The following DHRSX variants were observed in gnomAD, a reference collection of about 807,000 sequenced individuals.
The protein encoded by DHRSX is dehydrogenase/reductase X-linked, also known as polyprenol dehydrogenase.
Under a neutral mutation model 34.0 loss-of-function variants are expected in DHRSX, and 31 were observed. The ratio of observed to expected loss-of-function variants is 0.91; its 90% CI spans 0.69 to 1.23. The LOEUF (loss-of-function observed/expected upper bound fraction) is 1.23. Among genes scored for constraint, DHRSX ranks in the 50% most tolerant of loss-of-function variants. DHRSX has a pLI of 0.00. For synonymous variants in DHRSX, 201 were observed against 183.8 expected (o/e 1.09, Z -0.76); for missense variants, 414 against 428.1 (o/e 0.97, Z 0.29).
chrX:2,298,638 G>GCACACACACACGCACA (rs1569485218), intron 3 of DHRSX, among the ~76,000 whole-genome samples: 2 of 103,356 alleles, frequency 1.9e-5, no homozygotes, highest in Admixed American at 8.9e-5. Flanking sequence ...ACACACACAC[G>GCACACACACACGCACA]AGGTCTTATT....
At chrX:2,472,745 G>A (rs1301942981) in intron 1 of DHRSX, among the ~76,000 whole-genome samples, 4 of 152,056 alleles carry the variant, frequency 2.6e-5, no homozygotes, top group Non-Finnish European at 5.9e-5. Context: ...CTCCAGCCTG[G>A]GCGACAAGAG....
chrX:2,283,789 C>T (rs937023183), intron 4 of DHRSX, among the ~76,000 whole-genome samples: 2 of 152,238 alleles, frequency 1.3e-5, no homozygotes, highest in African/African-American at 4.8e-5. Flanking sequence ...CATTTGAATT[C>T]ATTCCTTCTT....
In DHRSX at chrX:2,350,427, T is replaced by A. The variant is rs1041326881; in HGVS notation, c.286+58318A>T. 3.7e-4 allele frequency among the ~76,000 whole-genome samples: 57 copies of A among 152,272 alleles called. 1 individual carries two copies. Among genetic ancestry groups the A allele is most frequent in the South Asian group, 1.7e-3 (8 of 4,822 alleles). On this transcript the variant is annotated intron_variant, in intron 3 of 6. Transcript: ENST00000334651. Reference sequence around the variant, plus strand: ...TTAAAAAGAAGGGAATTCTGTCATTTGCCACAACATGGATGAACCTGGGGG... The same window carrying A: ...TTAAAAAGAAGGGAATTCTGTCATTAGCCACAACATGGATGAACCTGGGGG...
intron 2 of DHRSX, among the ~76,000 whole-genome samples, chrX:2,412,838 C>T (rs986075616): frequency 5.3e-5 from 8 of 152,062 alleles, no homozygotes; most frequent in Non-Finnish European, 1.0e-4. Flanking sequence ...CACATAAAAC[C>T]AAATCCCACA....
rs1321737571 is a variant in DHRSX at position 2,284,742 on chromosome X, CTAT to C, written c.388+6757_388+6759del. ...CATAAATACCGGCTCTGCAGGAGGT[CTAT>C]TATTGATTTATTCTTGTGCTTGATA... On this transcript the variant is annotated intron_variant, in intron 4 of 6. Coordinates refer to ENST00000334651, the MANE Select transcript of DHRSX (RefSeq NM_145177.3). Among the ~76,000 whole-genome samples the C allele has an allele frequency of 2.0e-5, 3 of 152,116 alleles. No individual in the cohort carries two copies. In the East Asian group the frequency reaches 5.8e-4, roughly 29 times the overall value.
intron 6 of DHRSX, among the ~76,000 whole-genome samples, chrX:2,231,656 TTCTTC>T (rs2015885696): frequency 1.5e-5 from 2 of 131,214 alleles, no homozygotes; most frequent in African/African-American, 7.3e-5. Context: ...TCTCTGCCTT[TTCTTC>T]TTTTTTTCTT....
chrX:2,329,129 A>T (rs769908522), intron 3 of DHRSX, among the ~76,000 whole-genome samples: 1 of 152,312 alleles, frequency 6.6e-6, no homozygotes, highest in Non-Finnish European at 1.5e-5. Context: ...ACTCCCAGGT[A>T]TTTATGAAAC....
At chrX:2,347,617 C>A (rs2042736934) in intron 3 of DHRSX, among the ~76,000 whole-genome samples, 1 of 152,128 alleles carries the variant, frequency 6.6e-6, no homozygotes, top group Non-Finnish European at 1.5e-5. Context: ...TCGCTGGAAC[C>A]CAGGAGGTGG....
intron 1 of DHRSX, among the ~76,000 whole-genome samples, chrX:2,470,040 T>C (rs183978642): frequency 6.6e-6 from 1 of 151,744 alleles, no homozygotes; most frequent in East Asian, 1.9e-4. Context: ...AAATGTGGCA[T>C]AGACACACAG....
chrX:2,328,125 C>CG (rs1285110389), intron 3 of DHRSX, among the ~76,000 whole-genome samples: 2 of 149,550 alleles, frequency 1.3e-5, no homozygotes, highest in Non-Finnish European at 3.0e-5. Context: ...CACAGAGTGA[C>CG]GACCCTGCGA....
chrX:2,490,122 T>C (rs1297237813), intron 1 of DHRSX: 2 of 1,613,856 alleles, frequency 1.2e-6, no homozygotes, highest in Admixed American at 3.3e-5. Context: ...CTCCTCCACA[T>C]GTCGGTGGAG....
At chrX:2,378,677 AT>A (rs897230295) in intron 3 of DHRSX, among the ~76,000 whole-genome samples, 124 of 149,536 alleles carry the variant, frequency 8.3e-4, no homozygotes, top group African/African-American at 2.0e-3. Context: ...CTCTTGATTA[AT>A]TTTTTTTTTG....
chrX:2,384,494 G>C (rs1394060015), intron 3 of DHRSX, among the ~76,000 whole-genome samples: 1 of 152,082 alleles, frequency 6.6e-6, no homozygotes, highest in Non-Finnish European at 1.5e-5. Context: ...CACACAGGAG[G>C]GTAGGTCTTG....
At position 2,346,653 on chromosome X, in the gene DHRSX, T is replaced by TTTGTTGTTG. The variant is rs1556483987; in HGVS notation, c.287-55059_287-55051dup. Among the ~76,000 whole-genome samples the TTTGTTGTTG allele has an allele frequency of 4.7e-4, 71 of 150,724 alleles. 1 individual carries two copies. The highest frequency in any genetic ancestry group is 4.4e-3 in the Admixed American group (66 of 15,118). Reference sequence around the variant, plus strand: ...GATGTTGTATGAGTCTGGTTTTTTTTTTGTTGTTGTTGTTTAATACTTTAA... The same window carrying TTTGTTGTTG: ...GATGTTGTATGAGTCTGGTTTTTTTTTTGTTGTTGTTGTTGTTGTTGTTTAATACTTTAA... On this transcript the variant is annotated intron_variant, in intron 3 of 6. Coordinates refer to ENST00000334651, the MANE Select transcript of DHRSX (RefSeq NM_145177.3).
chrX:2,354,383 G>C (rs1057317725), intron 3 of DHRSX, among the ~76,000 whole-genome samples: 3 of 152,304 alleles, frequency 2.0e-5, no homozygotes, highest in African/African-American at 7.2e-5. Context: ...GATTCCCTCA[G>C]CTTAGAGAGC....
chrX:2,235,738 GGAA>G (rs1252731918), intron 6 of DHRSX, among the ~76,000 whole-genome samples: 3 of 49,634 alleles, frequency 6.0e-5, no homozygotes, highest in African/African-American at 8.2e-5. Flanking sequence ...GCATCTCAGG[GGAA>G]AAAAAAAAAA....
At chrX:2,329,439 C>T (rs1182352480) in intron 3 of DHRSX, among the ~76,000 whole-genome samples, 12 of 152,064 alleles carry the variant, frequency 7.9e-5, no homozygotes, top group African/African-American at 1.7e-4. Flanking sequence ...CTGAGTTTCT[C>T]GAAGCTGGGC....
chrX:2,446,704 T>C (rs1474057929), intron 1 of DHRSX, among the ~76,000 whole-genome samples: 1 of 150,590 alleles, frequency 6.6e-6, no homozygotes, highest in Non-Finnish European at 1.5e-5. Context: ...ATGTACTCAC[T>C]GAAGATGTTC....
In DHRSX at chrX:2,425,348, C is replaced by T. The variant is rs200719465; in HGVS notation, c.110-44G>A. 4.2e-5 allele frequency: 64 copies of T among 1,523,644 alleles called. No individual in the cohort carries two copies. The Admixed American group carries it at 4.4e-4, about 10-fold the overall frequency. The allele number at this position is 1,523,644 out of a possible 1,614,324, so 94.4% of individuals were successfully genotyped here. On this transcript the variant is annotated intron_variant, in intron 1 of 6. Transcript: ENST00000334651. ...AAATCATCAAACTAAGATTTGAAAG[C>T]AGAGCACATATTTGTAAGAATTAAG...
Sources: gnomAD v4.1 joint callset for allele counts (sites outside exome capture counted in the v4.1 genomes callset) on GRCh38, gnomAD v4.1.1 for gene constraint, MANE v1.5 for transcripts, NCBI Gene and HGNC (gene_info 2026-07-23, HGNC 2026-07-21) for gene names.